The following TSEN2 variants were observed in gnomAD, a reference collection of about 807,000 sequenced individuals.
TSEN2 encodes tRNA splicing endonuclease subunit 2, also known as tRNA-splicing endonuclease subunit Sen2.
TSEN2 carries 54 observed loss-of-function variants against 59.2 expected under a neutral mutation model. That is an observed-to-expected ratio of 0.91 (90% CI 0.73 to 1.14). TSEN2 has a LOEUF of 1.14. TSEN2 is among the 50% of genes most tolerant of loss of function. The probability of loss-of-function intolerance (pLI) is 0.00; values close to 1 mark genes in which losing one functional copy is unlikely to be tolerated. For synonymous variants in TSEN2, 195 were observed against 198.2 expected (o/e 0.98, Z 0.14); for missense variants, 636 against 576.2 (o/e 1.10, Z -1.06).
upstream of TSEN2, among the ~76,000 whole-genome samples, chr3:12,483,106 T>G (rs796109538): frequency 3.2e-4 from 49 of 152,324 alleles, no homozygotes; most frequent in African/African-American, 1.1e-3. Context: ...CAGGATGCAG[T>G]GGCTCAAGCC....
intron 6 of TSEN2, among the ~76,000 whole-genome samples, chr3:12,511,407 A>C (rs779062067): frequency 1.3e-4 from 20 of 152,286 alleles, no homozygotes; most frequent in Non-Finnish European, 2.5e-4. Flanking sequence ...TAAAAATAGC[A>C]CTTAATATTA....
intron 6 of TSEN2, among the ~76,000 whole-genome samples, chr3:12,513,744 T>C (rs755925805): frequency 2.0e-5 from 3 of 152,240 alleles, no homozygotes; most frequent in Non-Finnish European, 2.9e-5. Context: ...TTTTGGCTGG[T>C]AGTCCATCTG....
At chr3:12,498,067 CCT>C (rs1388087889) in intron 4 of TSEN2, among the ~76,000 whole-genome samples, 3 of 151,126 alleles carry the variant, frequency 2.0e-5, no homozygotes, top group Admixed American at 1.3e-4. Context: ...TCCAAATTTT[CCT>C]CTTTTTTTTT....
intron 1 of TSEN2, among the ~76,000 whole-genome samples, chr3:12,489,578 G>T (rs973300856): frequency 1.3e-4 from 20 of 152,022 alleles, no homozygotes; most frequent in Admixed American, 8.5e-4. Flanking sequence ...TTTATTGTGG[G>T]GATTAATTGC....
downstream of TSEN2, among the ~76,000 whole-genome samples, chr3:12,535,192 C>T (rs896848433): frequency 6.6e-6 from 1 of 152,020 alleles, no homozygotes; most frequent in African/African-American, 2.4e-5. Flanking sequence ...CTCTCCTCCC[C>T]ACCACCCACC....
intron 1 of TSEN2, among the ~76,000 whole-genome samples, chr3:12,489,039 T>G (rs2052938958): frequency 6.6e-6 from 1 of 152,198 alleles, no homozygotes. Context: ...GGATCTTAAC[T>G]GTAAGATAGA....
chr3:12,498,762 A>T (rs1362876053), intron 4 of TSEN2, among the ~76,000 whole-genome samples: 1 of 152,212 alleles, frequency 6.6e-6, no homozygotes, highest in African/African-American at 2.4e-5. Context: ...TTACCAGCAC[A>T]GTTCTATCAG....
intron 6 of TSEN2, among the ~76,000 whole-genome samples, chr3:12,509,045 C>T (rs1043997290): frequency 6.6e-6 from 1 of 151,978 alleles, no homozygotes; most frequent in African/African-American, 2.4e-5. Flanking sequence ...TAATCAAATG[C>T]TTTTTAATTA....
At chr3:12,534,529 G>C (rs1405373009), downstream of TSEN2, among the ~76,000 whole-genome samples, 3 of 152,044 alleles carry the variant, frequency 2.0e-5, no homozygotes, top group Admixed American at 6.5e-5. Context: ...GGGTAAAGGA[G>C]AGCCCAAAAA....
intron 1 of TSEN2, among the ~76,000 whole-genome samples, chr3:12,485,922 C>G (rs1210963166): frequency 6.6e-6 from 1 of 151,054 alleles, no homozygotes; most frequent in African/African-American, 2.5e-5. Flanking sequence ...AATGTTGCAT[C>G]AAAAATATTT....
At chr3:12,489,433 G>A (rs557152784) in intron 1 of TSEN2, among the ~76,000 whole-genome samples, 5 of 152,258 alleles carry the variant, frequency 3.3e-5, no homozygotes, top group African/African-American at 9.6e-5. Context: ...TTGGGTGAGT[G>A]AAATGGAAGC....
intron 6 of TSEN2, 72 bp from the exon 7 acceptor site, chr3:12,516,539 C>T: frequency 7.0e-7 from 1 of 1,431,062 alleles, no homozygotes; most frequent in Non-Finnish European, 9.8e-7. Context: ...GAAAAGAGAT[C>T]AGTCTGTAAA....
At chr3:12,518,348 G>A (rs535849140) in intron 7 of TSEN2, among the ~76,000 whole-genome samples, 1 of 152,158 alleles carries the variant, frequency 6.6e-6, no homozygotes, top group Admixed American at 6.5e-5. Flanking sequence ...CTCACTAAGG[G>A]TCTGTGAAAT....
chr3:12,497,675 A>AG (rs2053889519), intron 4 of TSEN2, among the ~76,000 whole-genome samples: 1 of 152,250 alleles, frequency 6.6e-6, no homozygotes, highest in South Asian at 2.1e-4. Context: ...CATAAGGTCA[A>AG]GCCAGCCTGC....
intron 3 of TSEN2, among the ~76,000 whole-genome samples, chr3:12,493,802 G>C (rs1252894083): frequency 6.6e-6 from 1 of 152,156 alleles, no homozygotes; most frequent in African/African-American, 2.4e-5. Context: ...ATCCTAATGA[G>C]TATTAAATGG....
chr3:12,539,325 G>T (rs1380880809), exon 11 of TSEN2: 3 of 327,206 alleles, frequency 9.2e-6, no homozygotes, highest in Non-Finnish European at 1.8e-5. Flanking sequence ...GTAGAGACGG[G>T]GTTTCACTAT....
chr3:12,506,606 G>A (rs896088596), intron 6 of TSEN2: 94 of 647,790 alleles, frequency 1.5e-4, no homozygotes, highest in Non-Finnish European at 1.6e-4. Flanking sequence ...GTGGCTAAAA[G>A]TGGCCTTCCA....
chr3:12,538,860 C>T (rs1004522859), intron 10 of TSEN2: 1 of 208,358 alleles, frequency 4.8e-6, no homozygotes. Context: ...AGATAGCCCT[C>T]TCTTCATGTG....
intron 6 of TSEN2, chr3:12,506,791 T>C: frequency 1.0e-6 from 1 of 985,390 alleles, no homozygotes; most frequent in South Asian, 4.7e-5. Flanking sequence ...GTGATGGCTT[T>C]CTTTGATAGT....
Sources: allele counts gnomAD v4.1 joint callset (sites outside exome capture counted in the v4.1 genomes callset), GRCh38; gene constraint gnomAD v4.1.1; transcripts MANE v1.5; gene names NCBI Gene and HGNC (gene_info 2026-07-23, HGNC 2026-07-21).